The following CNTNAP4 variants were observed in gnomAD, a reference collection of about 807,000 sequenced individuals.
CNTNAP4 encodes contactin-associated protein-like 4.
CNTNAP4 carries 98 observed loss-of-function variants against 148.4 expected under a neutral mutation model. That is an observed-to-expected ratio of 0.66 (90% confidence interval 0.56 to 0.78). The LOEUF is 0.78. Ranked by LOEUF, CNTNAP4 falls within the 30% of genes least tolerant of loss-of-function variation. The probability of loss-of-function intolerance (pLI) is 0.00; values close to 1 mark genes in which losing one functional copy is unlikely to be tolerated. For missense variants in CNTNAP4, 1,935 were observed against 1,565.6 expected, an observed-to-expected ratio of 1.24 and a Z score of -3.98; for synonymous variants, 730 against 565.1, an observed-to-expected ratio of 1.29 and a Z score of -4.14.
At chr16:76,395,099 A>G (rs142347382) in intron 3 of CNTNAP4, among the ~76,000 whole-genome samples, 7 of 152,270 alleles carry the variant, frequency 4.6e-5, no homozygotes, top group Non-Finnish European at 7.4e-5. Context: ...GACTCTCCCA[A>G]TGACCATCAT....
At chr16:76,459,162 G>A (rs1469787289) in intron 8 of CNTNAP4, among the ~76,000 whole-genome samples, 2 of 152,256 alleles carry the variant, frequency 1.3e-5, no homozygotes, top group African/African-American at 4.8e-5. Context: ...GCCAGGGGCA[G>A]GTGGGTAGAA....
At chr16:76,547,104 A>C (rs532169781) in intron 21 of CNTNAP4, among the ~76,000 whole-genome samples, 3 of 152,196 alleles carry the variant, frequency 2.0e-5, no homozygotes, top group Non-Finnish European at 2.9e-5. Flanking sequence ...ATAAATTCCA[A>C]TGCCGAAGTG....
At chr16:76,308,069 T>C (rs1314391969) in intron 1 of CNTNAP4, among the ~76,000 whole-genome samples, 4 of 152,242 alleles carry the variant, frequency 2.6e-5, no homozygotes, top group Non-Finnish European at 5.9e-5. Context: ...CCTGTCTTAG[T>C]AGTTTAGCTC....
chr16:76,297,988 A>G (rs1367115595), intron 1 of CNTNAP4, among the ~76,000 whole-genome samples: 1 of 152,064 alleles, frequency 6.6e-6, no homozygotes, highest in Non-Finnish European at 1.5e-5. Flanking sequence ...AAACCTGAAG[A>G]GACCCTTCTG....
At chr16:76,471,115 TACAC>T (rs150698107) in intron 10 of CNTNAP4, among the ~76,000 whole-genome samples, 1 of 150,864 alleles carries the variant, frequency 6.6e-6, no homozygotes, top group Non-Finnish European at 1.5e-5. Context: ...AACACACACA[TACAC>T]ACACACACAC....
chr16:76,538,977 T>A (rs150705521), intron 19 of CNTNAP4, among the ~76,000 whole-genome samples: 171 of 152,186 alleles, frequency 1.1e-3, no homozygotes, highest in Middle Eastern at 3.4e-3. Context: ...CATACAAACA[T>A]GTGACTATAT....
intron 3 of CNTNAP4, among the ~76,000 whole-genome samples, chr16:76,413,935 C>T (rs1031276966): frequency 2.0e-5 from 3 of 151,154 alleles, no homozygotes; most frequent in African/African-American, 7.3e-5. Context: ...TTTTATCTAA[C>T]AGACTTGCTA....
At chr16:76,544,366 T>C (rs2084610896) in intron 21 of CNTNAP4, among the ~76,000 whole-genome samples, 1 of 152,142 alleles carries the variant, frequency 6.6e-6, no homozygotes, top group South Asian at 2.1e-4. Flanking sequence ...GTAGAAAACA[T>C]TCTAGGGGTA....
intron 10 of CNTNAP4, among the ~76,000 whole-genome samples, chr16:76,475,732 CA>C (rs1215881361): frequency 6.6e-6 from 1 of 152,140 alleles, no homozygotes; most frequent in Non-Finnish European, 1.5e-5. Flanking sequence ...ATTAAGCAGT[CA>C]CAACTATCTG....
chr16:76,522,735 T>TCTTTC (rs2083535922), intron 17 of CNTNAP4, among the ~76,000 whole-genome samples: 1 of 95,494 alleles, frequency 1.0e-5, no homozygotes, highest in Non-Finnish European at 2.1e-5. Context: ...TCTTTTCTTT[T>TCTTTC]CTTTTCTTTT....
intron 1 of CNTNAP4, among the ~76,000 whole-genome samples, chr16:76,290,130 C>G (rs950276535): frequency 7.2e-5 from 11 of 152,186 alleles, no homozygotes; most frequent in African/African-American, 2.7e-4. Flanking sequence ...CTCACACAGG[C>G]CTGTGAGACA....
Position 76,462,142 on chromosome 16 carries a change from CA to C in CNTNAP4, c.1483+38del, listed in dbSNP as rs754309372. The C allele has an allele frequency of 4.5e-6, 7 of 1,564,366 alleles. No homozygotes were observed. The African/African-American group carries it at 8.1e-5, about 18-fold the overall frequency. ...TGCCAGGCTCTATGAGCAACTGAACCATATTTGCATTAGTGCCCCCGTGTCT... is the reference window on the plus strand; with the variant it reads ...TGCCAGGCTCTATGAGCAACTGAACCTATTTGCATTAGTGCCCCCGTGTCT... On this transcript the variant is annotated intron_variant, in intron 9 of 23. Transcript: ENST00000611870.
At chr16:76,419,534 T>G (rs1332656764) in intron 3 of CNTNAP4, among the ~76,000 whole-genome samples, 1 of 152,010 alleles carries the variant, frequency 6.6e-6, no homozygotes, top group Non-Finnish European at 1.5e-5. Context: ...ACACTCAGTT[T>G]CCAGAGATTC....
chr16:76,328,651 G>GTT (rs1006303954), intron 2 of CNTNAP4, among the ~76,000 whole-genome samples: 1 of 146,858 alleles, frequency 6.8e-6, no homozygotes. Flanking sequence ...TGTAAGGTGT[G>GTT]TTTTTTTTTT....
intron 2 of CNTNAP4, among the ~76,000 whole-genome samples, chr16:76,327,676 C>G (rs1963128548): frequency 6.6e-6 from 1 of 152,164 alleles, no homozygotes; most frequent in Non-Finnish European, 1.5e-5. Flanking sequence ...TGATGGATGG[C>G]CTTCCCCTGG....
intron 5 of CNTNAP4, 118 bp downstream of exon 5, chr16:76,448,333 C>T: frequency 1.5e-6 from 1 of 689,002 alleles, no homozygotes; most frequent in South Asian, 2.0e-5. Flanking sequence ...GATTCAAGGG[C>T]TTGTACATAT....
chr16:76,331,138 T>C (rs907397696), intron 2 of CNTNAP4, among the ~76,000 whole-genome samples: 1 of 151,236 alleles, frequency 6.6e-6, no homozygotes, highest in Non-Finnish European at 1.5e-5. Flanking sequence ...TTTTTTTTTG[T>C]GGTCTACCAT....
At chr16:76,557,906 A>G (rs2085261969) in intron 23 of CNTNAP4, 1 of 152,230 alleles carries the variant, frequency 6.6e-6, no homozygotes, top group African/African-American at 2.4e-5. Context: ...AACCATTGAC[A>G]TAGTTAAGAA....
intron 2 of CNTNAP4, among the ~76,000 whole-genome samples, chr16:76,344,844 C>G (rs1317780800): frequency 6.6e-6 from 1 of 152,192 alleles, no homozygotes; most frequent in Non-Finnish European, 1.5e-5. Flanking sequence ...TCCTAACCTT[C>G]TACTCTTTTC....
Sources: allele counts gnomAD v4.1 joint callset (sites outside exome capture counted in the v4.1 genomes callset), GRCh38; gene constraint gnomAD v4.1.1; transcripts MANE v1.5; gene names NCBI Gene and HGNC (gene_info 2026-07-23, HGNC 2026-07-21).